DCC: variants seen among roughly 807,000 people sequenced by gnomAD.
The protein encoded by DCC is netrin receptor DCC.
A neutral mutation model predicts 172.5 loss-of-function variants in DCC; 58 were observed. The ratio of observed to expected loss-of-function variants is 0.34; its 90% confidence interval spans 0.27 to 0.42. DCC has a LOEUF of 0.42. DCC is among the 10% of genes least tolerant of loss of function. DCC has a pLI of 1.00. For synonymous variants in DCC, 709 were observed against 644.5 expected, an observed-to-expected ratio of 1.10 and a Z score of -1.52; for missense variants, 1,740 against 1,791.0, an observed-to-expected ratio of 0.97 and a Z score of 0.51.
intron 5 of DCC, among the ~76,000 whole-genome samples, chr18:52,981,474 C>G (rs1308777659): frequency 6.6e-6 from 1 of 151,956 alleles, no homozygotes; most frequent in Admixed American, 6.6e-5. Flanking sequence ...TCTTCTGAAA[C>G]TCTTTACCTA....
rs372792028 is a variant in DCC at position 52,953,770 on chromosome 18, T to C, written c.985+28400T>C. On this transcript the variant is annotated intron_variant, in intron 5 of 28. Coordinates refer to ENST00000442544, the MANE Select transcript of DCC (RefSeq NM_005215.4). ...ATTGATCTAAAGGGCTCAAACACTA[T>C]GAAAGAGATGAAGGTGCATCAGCTG... 9.2e-5 allele frequency among the ~76,000 whole-genome samples: 14 copies of C among 152,316 alleles called. No individual in the cohort carries two copies. In the East Asian group the frequency reaches 2.3e-3, roughly 25 times the overall value.
At chr18:53,180,906 C>A (rs1250991061) in intron 9 of DCC, among the ~76,000 whole-genome samples, 2 of 152,136 alleles carry the variant, frequency 1.3e-5, no homozygotes, top group African/African-American at 2.4e-5. Flanking sequence ...AGCCATCGCG[C>A]CCAGCCCAAC....
intron 7 of DCC, among the ~76,000 whole-genome samples, chr18:53,075,722 A>T (rs2144119736): frequency 6.6e-6 from 1 of 152,312 alleles, no homozygotes; most frequent in East Asian, 1.9e-4. Context: ...CATATAGATT[A>T]TATAGTATGT....
At position 53,305,584 on chromosome 18, in the gene DCC, A is replaced by G. The variant is rs1568043384; in HGVS notation, c.1918A>G (p.Lys640Glu). 1 of 1,611,898 alleles carries G rather than the reference A, an allele frequency of 6.2e-7. No individual in the cohort carries two copies. ...TACACCTATTATTTTACAGAGTATC[A>G]AAGTTAGCTGGCTGCCTCCTCCATC... ...SLEVVNSRSI[K>E]VSWLPPPSGT... Residue 640 changes from lysine (K) to glutamate (E), a missense_variant, in exon 13 of 29, where the codon AAA (lysine) becomes GAA (glutamate). By Grantham distance (56) the Lys-to-Glu change is moderately conservative. This residue lies in a region of DCC where 1,732 missense variants were observed against 1,767.4 expected (regional missense o/e 0.98). Coordinates refer to ENST00000442544, the MANE Select transcript of DCC (RefSeq NM_005215.4).
rs1404353434 is a variant in DCC at position 53,428,566 on chromosome 18, A to T, written c.3164-6578A>T. On this transcript the variant is annotated intron_variant, in intron 21 of 28. Coordinates refer to ENST00000442544, the MANE Select transcript of DCC (RefSeq NM_005215.4). The stretch of plus-strand genomic sequence containing the variant: ...TATATATAAATATATTTATATATAT[A>T]TTTATATATATAAAATATATATTTT... Among the ~76,000 whole-genome samples, 124 of 34,296 alleles carry T rather than the reference A, an allele frequency of 3.6e-3. 15 individuals are homozygous for T. The highest frequency in any genetic ancestry group is 8.3e-3 in the African/African-American group (115 of 13,906). 22.5% of individuals were successfully genotyped at this position (34,296 alleles called of 152,430 possible). A position where few individuals can be genotyped will look rare whatever the true frequency, so the allele number is the denominator to read the frequency against.
intron 12 of DCC, among the ~76,000 whole-genome samples, chr18:53,295,869 T>G (rs897551452): frequency 1.3e-5 from 2 of 152,178 alleles, no homozygotes; most frequent in African/African-American, 4.8e-5. Context: ...GCATTTGACA[T>G]TCAATAATTC....
intron 2 of DCC, among the ~76,000 whole-genome samples, chr18:52,886,712 C>G (rs1362763178): frequency 2.6e-5 from 4 of 152,140 alleles, no homozygotes; most frequent in African/African-American, 9.7e-5. Flanking sequence ...CTACCCTCTT[C>G]AGAGTCTCTT....
At chr18:52,950,924 C>A in intron 5 of DCC, among the ~76,000 whole-genome samples, 1 of 74,262 alleles carries the variant, frequency 1.3e-5, no homozygotes, top group Non-Finnish European at 2.4e-5. Context: ...AGTGAGACTC[C>A]GTCTCAAAAA....
At chr18:52,516,119 A>G (rs2144657392) in intron 1 of DCC, among the ~76,000 whole-genome samples, 1 of 152,234 alleles carries the variant, frequency 6.6e-6, no homozygotes, top group East Asian at 1.9e-4. Flanking sequence ...GTAAGGAGAA[A>G]CTGGATCACC....
chr18:52,811,787 T>A (rs1338078475), intron 2 of DCC, among the ~76,000 whole-genome samples: 1 of 152,194 alleles, frequency 6.6e-6, no homozygotes, highest in African/African-American at 2.4e-5. Flanking sequence ...CAAACTTAGC[T>A]CTAATTCTCT....
At chr18:52,863,153 T>C (rs989438544) in intron 2 of DCC, among the ~76,000 whole-genome samples, 1 of 152,010 alleles carries the variant, frequency 6.6e-6, no homozygotes, top group Non-Finnish European at 1.5e-5. Flanking sequence ...TTAAAAACCT[T>C]TAGCCAGAAT....
chr18:53,382,630 A>T (rs1426433986), intron 15 of DCC, among the ~76,000 whole-genome samples: 1 of 152,152 alleles, frequency 6.6e-6, no homozygotes, highest in African/African-American at 2.4e-5. Flanking sequence ...GTAACCTGAC[A>T]GAAATTCATC....
intron 5 of DCC, among the ~76,000 whole-genome samples, chr18:52,954,976 C>T (rs561620249): frequency 2.6e-5 from 4 of 152,236 alleles, no homozygotes; most frequent in African/African-American, 9.6e-5. Flanking sequence ...TATTTTCATA[C>T]ATGCACATCC....
chr18:53,111,775 C>T (rs2043336425), intron 7 of DCC, among the ~76,000 whole-genome samples: 1 of 151,580 alleles, frequency 6.6e-6, no homozygotes, highest in Non-Finnish European at 1.5e-5. Context: ...ACTGCATATG[C>T]AATAGAACCT....
At chr18:52,508,122 T>C (rs1024599095) in intron 1 of DCC, among the ~76,000 whole-genome samples, 1 of 151,958 alleles carries the variant, frequency 6.6e-6, no homozygotes, top group Non-Finnish European at 1.5e-5. Context: ...TTATTATTAT[T>C]ATTTCATCCT....
intron 13 of DCC, among the ~76,000 whole-genome samples, chr18:53,306,188 C>T (rs184027391): frequency 6.6e-6 from 1 of 152,226 alleles, no homozygotes; most frequent in East Asian, 1.9e-4. Context: ...AGTAAATTCA[C>T]TTATGCAGCA....
intron 1 of DCC, among the ~76,000 whole-genome samples, chr18:52,746,409 T>C (rs2036906609): frequency 6.6e-6 from 1 of 152,210 alleles, no homozygotes; most frequent in Admixed American, 6.5e-5. Context: ...AAGCTACTTC[T>C]TATAAATTTC....
Position 53,110,656 on chromosome 18 carries a change from C to T in DCC, c.1261+44490C>T, listed in dbSNP as rs376366979. ...AAAAAACACATGAAAAAATGCTCAC[C>T]ATCACTGGCCATCAGAGAAATGCAA... On this transcript the variant is annotated intron_variant, in intron 7 of 28. Transcript: ENST00000442544. 4.3e-4 allele frequency among the ~76,000 whole-genome samples: 64 copies of T among 149,046 alleles called. No homozygotes were observed. In the East Asian group the frequency reaches 0.012, roughly 28 times the overall value.
chr18:52,611,297 C>T (rs2034272749), intron 1 of DCC, among the ~76,000 whole-genome samples: 1 of 152,076 alleles, frequency 6.6e-6, no homozygotes, highest in African/African-American at 2.4e-5. Context: ...CATCAAGGTC[C>T]CATTCAGTTC....
Sources: allele counts gnomAD v4.1 joint callset (sites outside exome capture counted in the v4.1 genomes callset), GRCh38; gene constraint gnomAD v4.1.1; regional missense constraint gnomAD v4.1.1; transcripts MANE v1.5; gene names NCBI Gene and HGNC (gene_info 2026-07-23, HGNC 2026-07-21).